Variants in RAD52 observed in about 807,000 individuals in gnomAD.
RAD52 encodes DNA repair protein RAD52 homolog.
A neutral mutation model predicts 55.5 loss-of-function variants in RAD52; 47 were observed. The observed-to-expected ratio is 0.85, with a 90% CI of 0.67 to 1.08. The LOEUF (loss-of-function observed/expected upper bound fraction) is 1.08, where lower values mean the gene tolerates loss of function less well. Ranked by LOEUF, RAD52 falls within the 50% of genes least tolerant of loss-of-function variation. The pLI is 0.00. For missense variants in RAD52, 468 were observed against 522.8 expected, an observed-to-expected ratio of 0.90 and a Z score of 1.02; for synonymous variants, 184 against 198.9, an observed-to-expected ratio of 0.92 and a Z score of 0.63.
At position 962,824 on chromosome 12, in the gene RAD52, C is replaced by T. The variant is rs540048752; in HGVS notation, c.-19+26985G>A. ...ACCTCCCTGGCTCTAGCCATCCTCC[C>T]ACCTCAGCCTCCTGAGTAGCTGGGA... On this transcript the variant is annotated intron_variant, in intron 1 of 11. Transcript: ENST00000430095. Among the ~76,000 whole-genome samples, 23 of 152,198 alleles carry T rather than the reference C, an allele frequency of 1.5e-4. No individual in the cohort carries two copies. The East Asian group carries it at 4.3e-3, about 28-fold the overall frequency.
intron 1 of RAD52, among the ~76,000 whole-genome samples, chr12:969,215 G>A (rs1012033346): frequency 6.6e-6 from 1 of 151,994 alleles, no homozygotes; most frequent in African/African-American, 2.4e-5. Context: ...TTTTGGTTTT[G>A]AAAGGGGGTG....
intron 1 of RAD52, among the ~76,000 whole-genome samples, chr12:945,160 G>C (rs574470730): frequency 1.3e-5 from 2 of 151,888 alleles, no homozygotes; most frequent in Non-Finnish European, 2.9e-5. Context: ...AGACCAGCCC[G>C]GCTAACATGA....
chr12:943,650 A>T (rs1299400389), intron 1 of RAD52, among the ~76,000 whole-genome samples: 1 of 151,976 alleles, frequency 6.6e-6, no homozygotes, highest in Non-Finnish European at 1.5e-5. Flanking sequence ...CGCCTGGCCT[A>T]TTAGTTCTTT....
intron 1 of RAD52, among the ~76,000 whole-genome samples, chr12:985,551 T>C (rs1213230978): frequency 6.6e-6 from 1 of 152,264 alleles, no homozygotes; most frequent in Non-Finnish European, 1.5e-5. Flanking sequence ...ATGAGTATTT[T>C]AGCTTAAGCT....
Position 968,812 on chromosome 12 carries a change from G to A in RAD52, c.-19+20997C>T, listed in dbSNP as rs140265567. On this transcript the variant is annotated intron_variant, in intron 1 of 11. Coordinates refer to the RAD52 transcript ENST00000430095. ...AAGAATGTGAGCTCAATAAGGCAAG[G>A]AGCTTGTCTACTATATCCCCAGGAT... Among the ~76,000 whole-genome samples, 26 of 152,106 alleles carry A rather than the reference G, an allele frequency of 1.7e-4. 1 individual carries two copies. The highest frequency in any genetic ancestry group is 6.0e-4 in the African/African-American group (25 of 41,408).
Position 927,278 on chromosome 12 carries a change from G to T in RAD52, c.349-15C>A, listed in dbSNP as rs763071456. The T allele has an allele frequency of 6.3e-7, 1 of 1,595,418 alleles. No individual in the cohort carries two copies. Among genetic ancestry groups the T allele is most frequent in the Middle Eastern group, 1.7e-4 (1 of 6,030 alleles). On this transcript the variant is annotated splice_polypyrimidine_tract_variant and intron_variant, in intron 5 of 11. Coordinates refer to ENST00000358495, the MANE Select transcript of RAD52 (RefSeq NM_134424.4). Reference sequence around the variant, plus strand: ...TATGAACCATCCTGGGGGCAGAAAAGGAGTTTGAACTCAAACACGAGAGCG... The same window carrying T: ...TATGAACCATCCTGGGGGCAGAAAATGAGTTTGAACTCAAACACGAGAGCG...
At chr12:945,582 C>T (rs1016577744) in intron 1 of RAD52, among the ~76,000 whole-genome samples, 6 of 150,964 alleles carry the variant, frequency 4.0e-5, no homozygotes, top group African/African-American at 1.2e-4. Context: ...TACAGGCATG[C>T]GCGACCACAC....
chr12:938,515 C>A (rs1405995187), intron 1 of RAD52, among the ~76,000 whole-genome samples: 1 of 152,056 alleles, frequency 6.6e-6, no homozygotes, highest in African/African-American at 2.4e-5. Flanking sequence ...CAATTCCCGT[C>A]TCTACTAAAA....
In RAD52 at chr12:916,737, T is replaced by C. The variant is rs1295423236; in HGVS notation, c.627A>G (p.Arg209=). 2 of 1,613,990 alleles carry C rather than the reference T, an allele frequency of 1.2e-6. No homozygotes were observed. The highest frequency in any genetic ancestry group is 1.3e-5 in the African/African-American group (1 of 74,908). Residue 209 remains arginine (R), a synonymous_variant, in exon 8 of 12, where the codon CGA becomes CGG. Coordinates refer to ENST00000358495, the MANE Select transcript of RAD52 (RefSeq NM_134424.4). The part of the protein sequence containing the change: ...SVEEARYNSC[R]PNMALGHPQL... Reference sequence around the variant, plus strand: ...GTGGGTGTCCCAGGGCCATGTTCGGTCGGCAGCTGTTGTATCTTGCCTCCT... The same window carrying C: ...GTGGGTGTCCCAGGGCCATGTTCGGCCGGCAGCTGTTGTATCTTGCCTCCT...
At chr12:946,731 T>C (rs61917203) in intron 1 of RAD52, among the ~76,000 whole-genome samples, 4 of 152,202 alleles carry the variant, frequency 2.6e-5, no homozygotes, top group Non-Finnish European at 5.9e-5. Flanking sequence ...TGAACAGTTT[T>C]AGAGCTGAAA....
rs1956121075 is a variant in RAD52 at position 912,048 on chromosome 12, A to AAAC, written c.*1340_*1342dup. 1.0e-5 allele frequency: 2 copies of AAAC among 200,708 alleles called. No individual in the cohort carries two copies. Among genetic ancestry groups the AAAC allele is most frequent in the East Asian group, 7.7e-5 (1 of 12,998 alleles). 12.4% of individuals were successfully genotyped at this position (200,708 alleles called of 1,614,324 possible). On this transcript the variant is annotated 3_prime_UTR_variant, in exon 12 of 12. Transcript: ENST00000358495. Reference sequence around the variant, plus strand: ...CTCAAAAAAAAAGTTGTTAAACTGCAAACTTCATTATTTTGGGGGAAGAAT... The same window carrying AAAC: ...CTCAAAAAAAAAGTTGTTAAACTGCAAACAACTTCATTATTTTGGGGGAAGAAT...
chr12:980,980 CA>C (rs1959006864), intron 1 of RAD52, among the ~76,000 whole-genome samples: 1 of 152,108 alleles, frequency 6.6e-6, no homozygotes, highest in Non-Finnish European at 1.5e-5. Flanking sequence ...CCAACAGCCG[CA>C]AAAGTCTTAC....
intron 1 of RAD52, among the ~76,000 whole-genome samples, chr12:936,118 A>T (rs1028298013): frequency 6.6e-6 from 1 of 152,020 alleles, no homozygotes; most frequent in South Asian, 2.1e-4. Context: ...AGCCTGGTCA[A>T]CATGGTGAAA....
intron 1 of RAD52, among the ~76,000 whole-genome samples, chr12:957,424 C>T (rs1297239181): frequency 1.4e-5 from 2 of 144,846 alleles, no homozygotes; most frequent in African/African-American, 5.2e-5. Context: ...CAAGATCATG[C>T]CATTGCGCTC....
At chr12:973,603 G>A (rs139992106) in intron 1 of RAD52, among the ~76,000 whole-genome samples, 2,436 of 150,908 alleles carry the variant, frequency 0.016, 72 homozygotes, top group African/African-American at 0.056. Context: ...CCAGCCTCCC[G>A]AGTAGCTGGG....
upstream of RAD52, among the ~76,000 whole-genome samples, chr12:952,051 A>G (rs1354678100): frequency 6.6e-6 from 1 of 152,192 alleles, no homozygotes; most frequent in African/African-American, 2.4e-5. Flanking sequence ...ATAACCTCAA[A>G]TGCCTGGGCT....
chr12:916,538 G>A, intron 8 of RAD52, 55 bp from the exon 9 acceptor site: 1 of 1,605,172 alleles, frequency 6.2e-7, no homozygotes, highest in Admixed American at 1.7e-5. Flanking sequence ...CGCGGCTGCT[G>A]GGAGGACACG....
intron 1 of RAD52, among the ~76,000 whole-genome samples, chr12:979,212 G>A (rs1272541500): frequency 1.3e-5 from 2 of 152,154 alleles, no homozygotes; most frequent in Non-Finnish European, 2.9e-5. Context: ...GGCCGAGGTG[G>A]GTGGACTGTC....
At position 913,794 on chromosome 12, in the gene RAD52, T is replaced by C. The variant is rs11571471; in HGVS notation, c.1195+100A>G. On this transcript the variant is annotated intron_variant, in intron 11 of 11. Transcript: ENST00000358495. Reference sequence around the variant, plus strand: ...CCATTCCCTAATAGAAGTTCCCGATTCTATCAAACTTTAAATGAAATGTCA... The same window carrying C: ...CCATTCCCTAATAGAAGTTCCCGATCCTATCAAACTTTAAATGAAATGTCA... The C allele has an allele frequency of 7.0e-4, 786 of 1,128,886 alleles. 3 individuals are homozygous for C. Among genetic ancestry groups the C allele is most frequent in the South Asian group, 2.1e-3 (149 of 70,812 alleles). 69.9% of individuals were successfully genotyped at this position (1,128,886 alleles called of 1,614,324 possible). A position where few individuals can be genotyped will look rare whatever the true frequency, so the allele number is the denominator to read the frequency against.
Sources: gnomAD v4.1 joint callset for allele counts (sites outside exome capture counted in the v4.1 genomes callset) on GRCh38, gnomAD v4.1.1 for gene constraint, MANE v1.5 for transcripts, NCBI Gene and HGNC (gene_info 2026-07-23, HGNC 2026-07-21) for gene names.